EEF2K: variants seen among roughly 807,000 people sequenced by gnomAD.
EEF2K encodes alternative protein EEF2K.
A neutral mutation model predicts 93.8 loss-of-function variants in EEF2K; 70 were observed. The ratio of observed to expected loss-of-function variants is 0.75; its 90% CI spans 0.62 to 0.91. The LOEUF (loss-of-function observed/expected upper bound fraction) is 0.91. Ranked by LOEUF, EEF2K falls within the 40% of genes least tolerant of loss-of-function variation. The pLI, the probability that EEF2K is intolerant of heterozygous loss-of-function variation, is 0.00. For synonymous variants in EEF2K, 376 were observed against 380.8 expected (o/e 0.99, Z 0.15); for missense variants, 935 against 972.9 (o/e 0.96, Z 0.52).
intron 5 of EEF2K, 26 bp from the exon 6 acceptor site, chr16:22,251,125 A>G (rs1483192463): frequency 3.1e-6 from 5 of 1,603,856 alleles, no homozygotes; most frequent in Non-Finnish European, 4.3e-6. Flanking sequence ...GTACCCAGGT[A>G]GGCCCCCTGT....
rs201576066 is a variant in EEF2K at position 22,258,570 on chromosome 16, G to A, written c.1106G>A (p.Arg369Gln). 9.9e-6 allele frequency: 16 copies of A among 1,614,024 alleles called. No individual in the cohort carries two copies. In the East Asian group the frequency reaches 1.1e-4, roughly 11 times the overall value. Residue 369 changes from arginine to glutamine, a missense_variant, in exon 10 of 18, where the codon CGG becomes CAG. By Grantham distance (43) the Arg-to-Gln change is conservative (BLOSUM62 1). Coordinates refer to ENST00000263026, the MANE Select transcript of EEF2K (RefSeq NM_013302.5). Reference sequence around the variant, plus strand: ...CAAGTAAGGACCCTCTCTGGGAGCCGGCCACCCCTGCTCCGTCCCCTTTCA... The same window carrying A: ...CAAGTAAGGACCCTCTCTGGGAGCCAGCCACCCCTGCTCCGTCCCCTTTCA... ...SPQVRTLSGS[R>Q]PPLLRPLSEN... is the part of the protein sequence containing the mutation.
Position 22,220,443 on chromosome 16 carries a change from C to CAT in EEF2K, c.-76-5211_-76-5210insAT, listed in dbSNP as rs10658508. 8.0e-5 allele frequency among the ~76,000 whole-genome samples: 12 copies of CAT among 149,788 alleles called. No individual in the cohort carries two copies. In the East Asian group the frequency reaches 1.4e-3, roughly 17 times the overall value. ...AGCCCAGATCCTGAATCTGAGCGTG[C>CAT]TTTTTTTTTTGTTTTTTGCTTATTT... is the stretch of plus-strand genomic sequence containing the variant. On this transcript the variant is annotated intron_variant, in intron 1 of 17. Transcript: ENST00000263026.
At chr16:22,254,183 G>T (rs1013571133) in intron 6 of EEF2K, among the ~76,000 whole-genome samples, 2 of 152,136 alleles carry the variant, frequency 1.3e-5, no homozygotes, top group African/African-American at 4.8e-5. Flanking sequence ...GAGAGACGTG[G>T]TTGTTTGAGA....
At chr16:22,223,135 C>T (rs1830963684) in intron 1 of EEF2K, among the ~76,000 whole-genome samples, 1 of 152,056 alleles carries the variant, frequency 6.6e-6, no homozygotes, top group Non-Finnish European at 1.5e-5. Flanking sequence ...TCTTTTGTCA[C>T]TGCCTTTCAC....
At chr16:22,244,269 T>TTGTGTGTGTG (rs200282636) in intron 2 of EEF2K, among the ~76,000 whole-genome samples, 97 of 140,138 alleles carry the variant, frequency 6.9e-4, no homozygotes, top group African/African-American at 9.2e-4. Flanking sequence ...TATATATGTA[T>TTGTGTGTGTG]TGTGTGTGTG....
intron 2 of EEF2K, among the ~76,000 whole-genome samples, chr16:22,228,682 A>C (rs1257625255): frequency 6.6e-6 from 1 of 152,260 alleles, no homozygotes; most frequent in Non-Finnish European, 1.5e-5. Flanking sequence ...AGACAAAGAC[A>C]GTAAATTATT....
chr16:22,223,155 T>C (rs1256668148), intron 1 of EEF2K, among the ~76,000 whole-genome samples: 1 of 152,028 alleles, frequency 6.6e-6, no homozygotes, highest in Non-Finnish European at 1.5e-5. Flanking sequence ...CCTCCCCTAG[T>C]GGTTGTAAGT....
intron 1 of EEF2K, among the ~76,000 whole-genome samples, chr16:22,217,437 C>G (rs2046969477): frequency 6.6e-6 from 1 of 151,972 alleles, no homozygotes; most frequent in South Asian, 2.1e-4. Context: ...AAATAATATA[C>G]AATGGCCCAA....
chr16:22,260,435 A>G (rs762058627), intron 10 of EEF2K, 27 bp from the exon 11 acceptor site: 1 of 1,613,830 alleles, frequency 6.2e-7, no homozygotes, highest in Admixed American at 1.7e-5. Context: ...TGGAACCAGG[A>G]CATGATGTCT....
Position 22,257,694 on chromosome 16 carries a change from G to GC in EEF2K, c.954dup (p.Glu319ArgfsTer9). 1.9e-6 allele frequency: 3 copies of GC among 1,613,980 alleles called. No homozygotes were observed. The Middle Eastern group carries it at 4.9e-4, about 266-fold the overall frequency. ...TACTCTCATGCCTGCAACCGGATTT[G>GC]CGAGAGCATGGGCCTTGCTCCCTTT... On this transcript the variant is annotated frameshift_variant, in exon 9 of 18. Coordinates refer to ENST00000263026, the MANE Select transcript of EEF2K (RefSeq NM_013302.5). LOFTEE classifies it high-confidence loss of function.
At chr16:22,211,388 A>G (rs904964015) in intron 1 of EEF2K, among the ~76,000 whole-genome samples, 5 of 152,080 alleles carry the variant, frequency 3.3e-5, no homozygotes, top group Admixed American at 6.5e-5. Context: ...CAGCCATGTC[A>G]TTGGACTAAG....
rs1171441605 is a variant in EEF2K, at chr16:22,258,605, G to A, written c.1141G>A (p.Gly381Arg). ...PLLRPLSENS[G>R]DENMSDVTFD... ...GCTCCGTCCCCTTTCAGAGAACTCT[G>A]GAGACGAGAACATGAGCGACGTGAC... The change falls in exon 10 of 18, where the codon GGA (glycine) becomes AGA (arginine). Residue 381 changes from glycine (G) to arginine (R), a missense_variant. Transcript: ENST00000263026. The A allele has an allele frequency of 2.5e-6, 4 of 1,614,096 alleles. No individual in the cohort carries two copies. Among genetic ancestry groups the A allele is most frequent in the Non-Finnish European group, 2.5e-6 (3 of 1,180,028 alleles).
chr16:22,274,216 G>T (rs2047613035), intron 16 of EEF2K, among the ~76,000 whole-genome samples: 1 of 152,052 alleles, frequency 6.6e-6, no homozygotes, highest in South Asian at 2.1e-4. Context: ...GCCAAGGAGG[G>T]CAGATCATGA....
intron 13 of EEF2K, 169 bp downstream of exon 13, chr16:22,265,049 C>T (rs1468204112): frequency 1.5e-6 from 1 of 687,782 alleles, no homozygotes; most frequent in African/African-American, 1.8e-5. Flanking sequence ...TGAACCTCTG[C>T]AGGGCAGGAT....
chr16:22,265,403 C>T (rs1204887594), intron 13 of EEF2K, among the ~76,000 whole-genome samples: 4 of 152,158 alleles, frequency 2.6e-5, no homozygotes, highest in East Asian at 3.8e-4. Flanking sequence ...TTTACTAAGG[C>T]AAGTCTCTTT....
Position 22,245,413 on chromosome 16 carries a change from CTG to C in EEF2K, c.347+686_347+687del, listed in dbSNP as rs533359117. ...TATACTTGCCCTGGGCCGGTGCAAA[CTG>C]TGCAGCTCTGGAGAGCTTTCCTCCC... On this transcript the variant is annotated intron_variant, in intron 3 of 17. Coordinates refer to ENST00000263026, the MANE Select transcript of EEF2K (RefSeq NM_013302.5). Among the ~76,000 whole-genome samples, 135 of 152,232 alleles carry C rather than the reference CTG, an allele frequency of 8.9e-4. 3 individuals carry two copies. Among genetic ancestry groups the C allele is most frequent in the Admixed American group, 8.8e-3 (135 of 15,280 alleles).
At chr16:22,236,829 T>C (rs1567269162) in intron 2 of EEF2K, among the ~76,000 whole-genome samples, 1 of 151,670 alleles carries the variant, frequency 6.6e-6, no homozygotes, top group Non-Finnish European at 1.5e-5. Flanking sequence ...ATGATTTCAC[T>C]ATTATTTATT....
intron 16 of EEF2K, among the ~76,000 whole-genome samples, chr16:22,278,421 G>A (rs982465379): frequency 2.0e-5 from 3 of 152,186 alleles, no homozygotes; most frequent in South Asian, 2.1e-4. Context: ...AAGGAGCCAG[G>A]TGCAGAAAGA....
chr16:22,248,834 C>G lies in EEF2K; in HGVS notation c.408+19C>G. On this transcript the variant is annotated intron_variant, in intron 4 of 17. Coordinates refer to ENST00000263026, the MANE Select transcript of EEF2K (RefSeq NM_013302.5). ...ATCTCAGGTGAGCAGAGCGTTGAGC[C>G]CCGTGGGGACAGGGCTGAGCAAAGA... is the stretch of plus-strand genomic sequence containing the variant. 6.2e-7 allele frequency: 1 copy of G among 1,613,404 alleles called. No homozygotes were observed. Among genetic ancestry groups the G allele is most frequent in the Non-Finnish European group, 8.5e-7 (1 of 1,179,542 alleles).
Sources: allele counts gnomAD v4.1 joint callset (sites outside exome capture counted in the v4.1 genomes callset), GRCh38; gene constraint gnomAD v4.1.1; transcripts MANE v1.5; gene names NCBI Gene and HGNC (gene_info 2026-07-23, HGNC 2026-07-21).